Variants in SLC1A2 observed in about 807,000 individuals in gnomAD.
The protein encoded by SLC1A2 is solute carrier family 1 member 2.
A neutral mutation model predicts 48.8 loss-of-function variants in SLC1A2; 15 were observed. The observed-to-expected ratio is 0.31, with a 90% CI of 0.21 to 0.47. The LOEUF (loss-of-function observed/expected upper bound fraction) is 0.47. Ranked by LOEUF, SLC1A2 falls within the 20% of genes least tolerant of loss-of-function variation. The pLI, the probability that SLC1A2 is intolerant of heterozygous loss-of-function variation, is 0.99. For synonymous variants in SLC1A2, 279 were observed against 272.6 expected (o/e 1.02, Z -0.23); for missense variants, 502 against 730.5 (o/e 0.69, Z 3.61).
chr11:35,371,518 C>T (rs928271027), intron 1 of SLC1A2, among the ~76,000 whole-genome samples: 9 of 152,166 alleles, frequency 5.9e-5, no homozygotes, highest in Non-Finnish European at 1.0e-4. Flanking sequence ...CTTCGTTTCC[C>T]TTAGTACCAC....
At chr11:35,316,380 T>C (rs1277376115) in intron 2 of SLC1A2, 1 of 152,228 alleles carries the variant, frequency 6.6e-6, no homozygotes, top group East Asian at 1.9e-4. Context: ...TGATTTTTTT[T>C]CTTCTGCAGG....
intron 9 of SLC1A2, among the ~76,000 whole-genome samples, chr11:35,274,897 A>G (rs1412384685): frequency 6.6e-6 from 1 of 152,124 alleles, no homozygotes; most frequent in African/African-American, 2.4e-5. Context: ...ATTTTTTTGA[A>G]AGGATGCATC....
intron 1 of SLC1A2, among the ~76,000 whole-genome samples, chr11:35,340,936 A>G (rs1460950830): frequency 2.0e-5 from 3 of 152,172 alleles, no homozygotes; most frequent in Non-Finnish European, 4.4e-5. Flanking sequence ...TGTAAGCATA[A>G]TCCTGAGAAA....
At chr11:35,368,531 C>G (rs1317473404) in intron 1 of SLC1A2, among the ~76,000 whole-genome samples, 1 of 152,214 alleles carries the variant, frequency 6.6e-6, no homozygotes, top group Non-Finnish European at 1.5e-5. Context: ...ATCCATTCTA[C>G]ACATAAAGAA....
At chr11:35,397,339 C>G (rs1454512472) in intron 1 of SLC1A2, among the ~76,000 whole-genome samples, 1 of 142,848 alleles carries the variant, frequency 7.0e-6, no homozygotes, top group Non-Finnish European at 1.6e-5. Context: ...AGATATAGAT[C>G]AATGGAACAG....
intron 1 of SLC1A2, among the ~76,000 whole-genome samples, chr11:35,398,938 G>A (rs1188112590): frequency 1.3e-5 from 2 of 152,218 alleles, no homozygotes; most frequent in African/African-American, 2.4e-5. Flanking sequence ...TGAAATACAT[G>A]AGAATAAGCA....
At chr11:35,383,484 G>A (rs1464376612) in intron 1 of SLC1A2, among the ~76,000 whole-genome samples, 1 of 152,154 alleles carries the variant, frequency 6.6e-6, no homozygotes, top group African/African-American at 2.4e-5. Flanking sequence ...GCCCAACTCT[G>A]GAGCTGACTG....
At chr11:35,302,524 T>C (rs1250397818) in intron 5 of SLC1A2, among the ~76,000 whole-genome samples, 1 of 152,100 alleles carries the variant, frequency 6.6e-6, no homozygotes, top group East Asian at 1.9e-4. Context: ...AGGAGCTTCA[T>C]CTCTGCCCTC....
chr11:35,292,837 T>A (rs75307819), intron 6 of SLC1A2, among the ~76,000 whole-genome samples: 3,957 of 152,260 alleles, frequency 0.026, 216 homozygotes, highest in East Asian at 0.19. Context: ...GAGACCCAGG[T>A]GTGTCTCTGG....
intron 4 of SLC1A2, chr11:35,306,982 A>G (rs2134834053): frequency 6.6e-6 from 1 of 152,396 alleles, no homozygotes; most frequent in Admixed American, 6.5e-5. Flanking sequence ...CTATGATTGT[A>G]GCTCAGAAAC....
intron 1 of SLC1A2, among the ~76,000 whole-genome samples, chr11:35,343,114 G>C (rs1485823583): frequency 6.6e-6 from 1 of 152,248 alleles, no homozygotes; most frequent in East Asian, 1.9e-4. Context: ...TCAGTAGTGA[G>C]ACAGGAATAA....
chr11:35,409,221 T>G (rs2135292177), intron 1 of SLC1A2, among the ~76,000 whole-genome samples: 1 of 152,334 alleles, frequency 6.6e-6, no homozygotes, highest in Admixed American at 6.5e-5. Flanking sequence ...ACCTTTGGCT[T>G]GAAGTTGACA....
Position 35,317,476 on chromosome 11 carries a change from C to T in SLC1A2, c.58G>A (p.Asp20Asn), listed in dbSNP as rs752965234. ...MPKQVEVRMH[D>N]SHLGSEEPKH... ...GGTTCCTCTGAGCCAAGATGACTGT[C>T]GTGCATTCGCACTTCCACCTGCTTG... The change falls in exon 2 of 11, where the codon GAC (aspartate) becomes AAC (asparagine). Residue 20 changes from aspartate to asparagine, a missense_variant. Physicochemically the swap from Asp to Asn is conservative, Grantham distance 23. This residue lies in a region of SLC1A2 where 89 missense variants were observed against 119.7 expected (regional missense o/e 0.74). Transcript: ENST00000278379. 14 of 1,613,996 alleles carry T rather than the reference C, an allele frequency of 8.7e-6. No homozygotes were observed. Among genetic ancestry groups the T allele is most frequent in the Middle Eastern group, 1.6e-4 (1 of 6,082 alleles).
chr11:35,287,020 G>A (rs1850843911), intron 7 of SLC1A2, 69 bp from the exon 8 acceptor site: 1 of 1,191,348 alleles, frequency 8.4e-7, no homozygotes, highest in Non-Finnish European at 1.2e-6. Flanking sequence ...TGCATAAACT[G>A]GAATGCCACT....
chr11:35,293,082 T>C (rs116772782), intron 6 of SLC1A2, among the ~76,000 whole-genome samples: 1,707 of 152,328 alleles, frequency 0.011, 36 homozygotes, highest in African/African-American at 0.039. Context: ...TGAAAGTCTT[T>C]TTTCCATACT....
chr11:35,306,231 C>T lies in SLC1A2; in HGVS notation c.573G>A (p.Val191=). 1 of 1,613,122 alleles carries T rather than the reference C, an allele frequency of 6.2e-7. No individual in the cohort carries two copies. Among genetic ancestry groups the T allele is most frequent in the Non-Finnish European group, 8.5e-7 (1 of 1,179,640 alleles). ...GTGGTGCAACCAGGACTTTCTTCGT[C>T]ACTGTTTGAATCTAACAGAGTGAGG... ...VQACFQQIQT[V]TKKVLVAPPP... is the part of the protein sequence containing the mutation. Residue 191 remains valine, a synonymous_variant, in exon 5 of 11, where the codon GTG becomes GTA. Transcript: ENST00000278379.
chr11:35,295,335 C>T (rs1419524141), intron 6 of SLC1A2, among the ~76,000 whole-genome samples: 2 of 152,184 alleles, frequency 1.3e-5, no homozygotes, highest in Non-Finnish European at 2.9e-5. Flanking sequence ...TAGGTGTGGC[C>T]GACCAACTGC....
chr11:35,319,288 T>A lies in SLC1A2; in HGVS notation c.18-1772A>T, dbSNP rs78381248. 8.0e-4 allele frequency among the ~76,000 whole-genome samples: 122 copies of A among 152,318 alleles called. No homozygotes were observed. The East Asian group carries it at 0.02, about 25-fold the overall frequency. On this transcript the variant is annotated intron_variant, in intron 1 of 10. Transcript: ENST00000278379. Reference sequence around the variant, plus strand: ...AATGATCAAAATGACCTTTTTAACGTGGATAGACCATATTTCTGTGTTTGC... The same window carrying A: ...AATGATCAAAATGACCTTTTTAACGAGGATAGACCATATTTCTGTGTTTGC...
chr11:35,412,048 A>G (rs3911975), intron 1 of SLC1A2, among the ~76,000 whole-genome samples: 2,012 of 151,820 alleles, frequency 0.013, 47 homozygotes, highest in African/African-American at 0.046. Context: ...GGAGCAAAAA[A>G]AAAAAACAAA....
Sources: allele counts gnomAD v4.1 joint callset (sites outside exome capture counted in the v4.1 genomes callset), GRCh38; gene constraint gnomAD v4.1.1; regional missense constraint gnomAD v4.1.1; transcripts MANE v1.5; gene names NCBI Gene and HGNC (gene_info 2026-07-23, HGNC 2026-07-21).